The following ORC3 variants were observed in gnomAD, a reference collection of about 807,000 sequenced individuals.
ORC3 encodes homolog of latheo, Drosophila.
A neutral mutation model predicts 100.7 loss-of-function variants in ORC3; 78 were observed. The observed-to-expected ratio is 0.77, with a 90% CI of 0.65 to 0.94. The LOEUF (loss-of-function observed/expected upper bound fraction) is 0.94. Among genes scored for constraint, ORC3 ranks in the 40% least tolerant of loss-of-function variants. The pLI, the probability that ORC3 is intolerant of heterozygous loss-of-function variation, is 0.00. For missense variants in ORC3, 789 were observed against 823.9 expected, an observed-to-expected ratio of 0.96 and a Z score of 0.52; for synonymous variants, 295 against 289.3, an observed-to-expected ratio of 1.02 and a Z score of -0.20.
intron 2 of ORC3, among the ~76,000 whole-genome samples, chr6:87,600,317 C>G (rs970816678): frequency 1.6e-4 from 25 of 151,990 alleles, no homozygotes; most frequent in African/African-American, 5.8e-4. Context: ...TATAAGGAAT[C>G]TAAAATATTT....
intron 11 of ORC3, among the ~76,000 whole-genome samples, chr6:87,622,858 A>G (rs77263209): frequency 3.9e-5 from 6 of 152,182 alleles, no homozygotes; most frequent in Non-Finnish European, 7.4e-5. Flanking sequence ...ATAGTAGTCT[A>G]TTGAATTAAT....
At chr6:87,622,436 A>G (rs1192500654) in intron 11 of ORC3, among the ~76,000 whole-genome samples, 2 of 152,130 alleles carry the variant, frequency 1.3e-5, no homozygotes, top group African/African-American at 4.8e-5. Context: ...ATTTGATTTG[A>G]AGAAATATCA....
chr6:87,634,306 C>T lies in ORC3; in HGVS notation c.1186-539C>T, dbSNP rs181454139. The stretch of plus-strand genomic sequence containing the variant: ...GAGATCTCAGCAAGAGGCAGGGACT[C>T]ATCAGAATCACTTGTGTTTCTGCCA... On this transcript the variant is annotated intron_variant, in intron 11 of 19. Coordinates refer to ENST00000392844, the MANE Select transcript of ORC3 (RefSeq NM_012381.4). Among the ~76,000 whole-genome samples, 64 of 152,136 alleles carry T rather than the reference C, an allele frequency of 4.2e-4. 1 individual carries two copies. The highest frequency in any genetic ancestry group is 7.5e-4 in the Non-Finnish European group (51 of 67,996).
At chr6:87,628,724 T>C (rs1780098417) in intron 11 of ORC3, among the ~76,000 whole-genome samples, 1 of 152,210 alleles carries the variant, frequency 6.6e-6, no homozygotes, top group African/African-American at 2.4e-5. Context: ...ATGCTTATCA[T>C]AGTGTCTCAT....
the ORC3 span, among the ~76,000 whole-genome samples, chr6:87,674,326 T>A: frequency 8.8e-3 from 1,008 of 115,142 alleles, 4 homozygotes; most frequent in Non-Finnish European, 0.013. Flanking sequence ...AAAAAAAAAA[T>A]TCCTTTTTCT....
intron 11 of ORC3, among the ~76,000 whole-genome samples, chr6:87,629,952 T>C (rs1422190735): frequency 2.0e-5 from 3 of 152,032 alleles, no homozygotes; most frequent in African/African-American, 7.2e-5. Flanking sequence ...TTTAAGAGGG[T>C]ATATTGCACA....
At chr6:87,663,225 T>A in intron 17 of ORC3, 81 bp downstream of exon 17, 1 of 1,106,868 alleles carries the variant, frequency 9.0e-7, no homozygotes, top group Non-Finnish European at 1.3e-6. Context: ...AATTTGCAGT[T>A]ATGTTTTAAT....
At chr6:87,650,636 T>C (rs1249037901) in intron 13 of ORC3, among the ~76,000 whole-genome samples, 1 of 152,198 alleles carries the variant, frequency 6.6e-6, no homozygotes, top group Admixed American at 6.5e-5. Context: ...GTCTTGTCAT[T>C]TTACATTAAA....
intron 12 of ORC3, 81 bp from the exon 13 acceptor site, chr6:87,636,318 TTTTTTTTG>T: frequency 4.1e-6 from 3 of 724,848 alleles, no homozygotes; most frequent in Non-Finnish European, 7.3e-6. Flanking sequence ...ATAACATTAA[TTTTTTTTG>T]TGTTGACCAG....
At chr6:87,620,387 A>G (rs1232914798) in intron 9 of ORC3, among the ~76,000 whole-genome samples, 2 of 152,236 alleles carry the variant, frequency 1.3e-5, no homozygotes, top group African/African-American at 2.4e-5. Flanking sequence ...CCTTTGCCTT[A>G]CAGCCTTAGA....
At chr6:87,650,922 G>A (rs886873178) in intron 13 of ORC3, 110 of 307,578 alleles carry the variant, frequency 3.6e-4, no homozygotes, top group South Asian at 1.6e-3. Context: ...CAGGAGAATC[G>A]CTTGGACCTG....
At chr6:87,676,470 A>AAAG in the ORC3 span, among the ~76,000 whole-genome samples, 1 of 110,024 alleles carries the variant, frequency 9.1e-6, no homozygotes, top group Admixed American at 9.7e-5. Context: ...AAAAAAAAAA[A>AAAG]ACGAGGCCGG....
At chr6:87,611,363 CT>C (rs1454836795) in intron 7 of ORC3, among the ~76,000 whole-genome samples, 1 of 151,894 alleles carries the variant, frequency 6.6e-6, no homozygotes, top group Non-Finnish European at 1.5e-5. Context: ...AAAAGCTGTA[CT>C]TTTTTTTGGA....
intron 13 of ORC3, among the ~76,000 whole-genome samples, chr6:87,647,991 G>A (rs1768932804): frequency 6.6e-6 from 1 of 152,184 alleles, no homozygotes; most frequent in Admixed American, 6.5e-5. Flanking sequence ...CTTGAGGCCA[G>A]GAGTTCAAGA....
chr6:87,660,547 A>G (rs960688901), intron 16 of ORC3, among the ~76,000 whole-genome samples: 2 of 152,212 alleles, frequency 1.3e-5, no homozygotes, highest in African/African-American at 2.4e-5. Context: ...TAAGCAGGAG[A>G]CTTCAGGAGG....
chr6:87,615,434 C>T (rs1489587643), intron 8 of ORC3, among the ~76,000 whole-genome samples: 1 of 152,180 alleles, frequency 6.6e-6, no homozygotes, highest in Non-Finnish European at 1.5e-5. Flanking sequence ...AAACAACCTG[C>T]CCACTAGCCA....
chr6:87,599,951 C>T (rs1777770649), intron 2 of ORC3, among the ~76,000 whole-genome samples: 2 of 152,234 alleles, frequency 1.3e-5, no homozygotes, highest in East Asian at 3.9e-4. Context: ...CCAGCCTGGG[C>T]AACAGAGCGA....
At chr6:87,631,325 C>T (rs555053626) in intron 11 of ORC3, among the ~76,000 whole-genome samples, 9 of 152,102 alleles carry the variant, frequency 5.9e-5, no homozygotes, top group African/African-American at 1.9e-4. Flanking sequence ...AGTGTATCTC[C>T]GTAGAAAAGA....
At chr6:87,675,886 C>T in the ORC3 span, 77 of 1,613,656 alleles carry the variant, frequency 4.8e-5, no homozygotes, top group Admixed American at 2.3e-4. Context: ...TCCATATCGT[C>T]GCATTATTTG....
Sources: allele counts gnomAD v4.1 joint callset (sites outside exome capture counted in the v4.1 genomes callset), GRCh38; gene constraint gnomAD v4.1.1; transcripts MANE v1.5; gene names NCBI Gene and HGNC (gene_info 2026-07-23, HGNC 2026-07-21).